PRLR: variants seen among roughly 807,000 people sequenced by gnomAD.
PRLR encodes prolactin receptor.
In PRLR, 13 loss-of-function variants were observed where a neutral mutation model predicts 40.2. The ratio of observed to expected loss-of-function variants is 0.32; its 90% CI spans 0.21 to 0.51. PRLR has a LOEUF of 0.51. Among genes scored for constraint, PRLR ranks in the 20% least tolerant of loss-of-function variants. The probability of loss-of-function intolerance (pLI) is 0.97; values close to 1 mark genes in which losing one functional copy is unlikely to be tolerated. For synonymous variants in PRLR, 269 were observed against 278.7 expected (o/e 0.97, Z 0.35); for missense variants, 656 against 747.3 (o/e 0.88, Z 1.42).
intron 1 of PRLR, among the ~76,000 whole-genome samples, chr5:35,189,952 C>T (rs1003989881): frequency 1.3e-5 from 2 of 152,168 alleles, no homozygotes; most frequent in African/African-American, 4.8e-5. Context: ...GCTTCCCAGT[C>T]CAGGGTTTTC....
chr5:35,101,170 T>C (rs961486328), intron 2 of PRLR, among the ~76,000 whole-genome samples: 2 of 152,174 alleles, frequency 1.3e-5, no homozygotes, highest in African/African-American at 4.8e-5. Context: ...CATCTACATA[T>C]TCAGCCCCCT....
At chr5:35,087,001 T>C (rs1770896342) in intron 3 of PRLR, among the ~76,000 whole-genome samples, 1 of 152,086 alleles carries the variant, frequency 6.6e-6, no homozygotes, top group Non-Finnish European at 1.5e-5. Context: ...CACTTTTTCT[T>C]GATTTTTTTT....
chr5:35,183,443 C>T (rs1265660076), intron 1 of PRLR, among the ~76,000 whole-genome samples: 1 of 152,216 alleles, frequency 6.6e-6, no homozygotes, highest in African/African-American at 2.4e-5. Flanking sequence ...TAAGACATCA[C>T]AGAACTGGGT....
rs1315488606 is a variant in PRLR, at chr5:35,095,473, A to G, written c.-43-5810T>C. Among the ~76,000 whole-genome samples the G allele has an allele frequency of 5.3e-5, 8 of 152,344 alleles. No homozygotes were observed. In the East Asian group the frequency reaches 7.7e-4, roughly 15 times the overall value. On this transcript the variant is annotated intron_variant, in intron 2 of 9. Coordinates refer to ENST00000618457, the MANE Select transcript of PRLR (RefSeq NM_000949.7). ...AAAGAAGTTTTAAGGAGAACATGGC[A>G]GCCGCTCTTTCAGGAAGACATTGAA...
At chr5:35,050,814 T>C (rs1768469464), downstream of PRLR, among the ~76,000 whole-genome samples, 1 of 152,184 alleles carries the variant, frequency 6.6e-6, no homozygotes, top group South Asian at 2.1e-4. Flanking sequence ...AGTTGTGAAA[T>C]TGAAGGAAAG....
intron 1 of PRLR, among the ~76,000 whole-genome samples, chr5:35,169,058 C>A (rs917945464): frequency 6.6e-6 from 1 of 152,074 alleles, no homozygotes; most frequent in African/African-American, 2.4e-5. Flanking sequence ...GATGATTGGC[C>A]GTTTTCCCGC....
intron 1 of PRLR, among the ~76,000 whole-genome samples, chr5:35,230,004 G>A (rs1776656694): frequency 6.6e-6 from 1 of 152,178 alleles, no homozygotes; most frequent in Non-Finnish European, 1.5e-5. Flanking sequence ...TGGGGTTGGG[G>A]GCAGTGGTGG....
At chr5:35,182,140 G>T (rs1452497782) in intron 1 of PRLR, among the ~76,000 whole-genome samples, 2 of 152,080 alleles carry the variant, frequency 1.3e-5, no homozygotes, top group Non-Finnish European at 2.9e-5. Flanking sequence ...TTTGTGAAGA[G>T]AATTTTGCTA....
At chr5:35,151,467 G>T (rs936041720) in intron 1 of PRLR, among the ~76,000 whole-genome samples, 3 of 152,142 alleles carry the variant, frequency 2.0e-5, no homozygotes, top group African/African-American at 7.2e-5. Context: ...AGAATAGCTT[G>T]CATACAACTT....
intron 5 of PRLR, among the ~76,000 whole-genome samples, chr5:35,078,754 A>G (rs1770288546): frequency 6.6e-6 from 1 of 152,218 alleles, no homozygotes. Flanking sequence ...AGACACAACC[A>G]AAAAAGAGAA....
In PRLR at chr5:35,061,378, G is replaced by A. The variant is rs917519861; in HGVS notation, c.*3711C>T. 6.6e-6 allele frequency: 1 copy of A among 152,180 alleles called. No homozygotes were observed. The highest frequency in any genetic ancestry group is 2.4e-5 in the African/African-American group (1 of 41,436). The allele number at this position is 152,180 out of a possible 1,614,324, so 9.4% of individuals were successfully genotyped here. ...TTCCCCAGAGCTAAACTGCAACTTG[G>A]AATGCAGGGACCTCTGGTTGCTCAA... On this transcript the variant is annotated 3_prime_UTR_variant, in exon 10 of 10. Transcript: ENST00000618457.
chr5:35,079,443 A>ATTG (rs1770350436), intron 5 of PRLR, among the ~76,000 whole-genome samples: 1 of 152,198 alleles, frequency 6.6e-6, no homozygotes, highest in Non-Finnish European at 1.5e-5. Flanking sequence ...ATCATGAGTG[A>ATTG]ACTCCCATTC....
intron 2 of PRLR, among the ~76,000 whole-genome samples, chr5:35,094,664 G>A (rs114274043): frequency 0.026 from 3,935 of 152,190 alleles, 86 homozygotes; most frequent in Middle Eastern, 0.1. Flanking sequence ...ACATTCATCC[G>A]TTGTTTTCAG....
intron 1 of PRLR, among the ~76,000 whole-genome samples, chr5:35,163,683 T>A (rs1009471808): frequency 6.6e-6 from 1 of 152,248 alleles, no homozygotes; most frequent in Non-Finnish European, 1.5e-5. Flanking sequence ...AAATTGTACA[T>A]GTAAATTGAA....
chr5:35,126,111 G>T (rs1183672939), intron 1 of PRLR, among the ~76,000 whole-genome samples: 1 of 152,186 alleles, frequency 6.6e-6, no homozygotes, highest in Non-Finnish European at 1.5e-5. Flanking sequence ...TTTTCCCAAG[G>T]CTAATTTAAA....
At chr5:35,174,138 A>G (rs1430755439) in intron 1 of PRLR, among the ~76,000 whole-genome samples, 82 of 150,664 alleles carry the variant, frequency 5.4e-4, no homozygotes, top group African/African-American at 1.8e-3. Context: ...CACCCAAGCT[A>G]GAATGCAGTG....
At chr5:35,053,876 A>G (rs1436595662), downstream of PRLR, among the ~76,000 whole-genome samples, 1 of 152,228 alleles carries the variant, frequency 6.6e-6, no homozygotes, top group East Asian at 1.9e-4. Context: ...TGGTGGTGTG[A>G]GAATTAATAT....
At chr5:35,185,059 A>T (rs1419294597) in intron 1 of PRLR, among the ~76,000 whole-genome samples, 1 of 152,248 alleles carries the variant, frequency 6.6e-6, no homozygotes, top group African/African-American at 2.4e-5. Flanking sequence ...CTTGTAGGAC[A>T]TTGTGAAGCA....
At chr5:35,167,136 ATCATCTATCTAT>A (rs1285778454) in intron 1 of PRLR, among the ~76,000 whole-genome samples, 1 of 135,234 alleles carries the variant, frequency 7.4e-6, no homozygotes, top group Non-Finnish European at 1.6e-5. Flanking sequence ...CTGTTTGTCT[ATCATCTATCTAT>A]CTATCTATCT....
Sources: allele counts gnomAD v4.1 joint callset (sites outside exome capture counted in the v4.1 genomes callset), GRCh38; gene constraint gnomAD v4.1.1; transcripts MANE v1.5; gene names NCBI Gene and HGNC (gene_info 2026-07-23, HGNC 2026-07-21).